THSD7B: variants seen among roughly 807,000 people sequenced by gnomAD.
THSD7B encodes the protein thrombospondin type 1 domain containing 7B.
THSD7B carries 138 observed loss-of-function variants against 213.6 expected under a neutral mutation model. The observed-to-expected ratio is 0.65, with a 90% CI of 0.56 to 0.74. The LOEUF is 0.74. Among genes scored for constraint, THSD7B ranks in the 30% least tolerant of loss-of-function variants. The pLI is 0.00. For synonymous variants in THSD7B, 742 were observed against 687.0 expected (o/e 1.08, Z -1.25); for missense variants, 1,931 against 1,991.5 (o/e 0.97, Z 0.58).
intron 2 of THSD7B, among the ~76,000 whole-genome samples, chr2:136,966,399 TAG>T (rs771340801): frequency 5.3e-5 from 8 of 152,134 alleles, no homozygotes; most frequent in Non-Finnish European, 1.0e-4. Context: ...TGTGTTTTTG[TAG>T]AGACAGGGTT....
intron 15 of THSD7B, among the ~76,000 whole-genome samples, chr2:137,515,652 T>C (rs949710415): frequency 1.3e-5 from 2 of 152,180 alleles, no homozygotes; most frequent in Non-Finnish European, 2.9e-5. Flanking sequence ...ATTTATTTAT[T>C]TGGGCCCACT....
At chr2:137,642,452 C>T in intron 20 of THSD7B, 36 bp from the exon 21 acceptor site, 3 of 1,609,790 alleles carry the variant, frequency 1.9e-6, no homozygotes, top group South Asian at 1.1e-5. Flanking sequence ...CCAAGCCAAA[C>T]TAACTGAAAA....
intron 12 of THSD7B, among the ~76,000 whole-genome samples, chr2:137,335,364 C>G (rs545369916): frequency 6.6e-6 from 1 of 152,270 alleles, no homozygotes; most frequent in South Asian, 2.1e-4. Flanking sequence ...TCCAGGGGCT[C>G]TATAAACTGA....
At chr2:137,342,983 T>C (rs1684796137) in intron 12 of THSD7B, among the ~76,000 whole-genome samples, 1 of 151,660 alleles carries the variant, frequency 6.6e-6, no homozygotes. Context: ...GATACTGGCC[T>C]GTAATTTTAC....
At chr2:137,209,758 G>A (rs771207759) in intron 7 of THSD7B, among the ~76,000 whole-genome samples, 1 of 151,536 alleles carries the variant, frequency 6.6e-6, no homozygotes, top group Non-Finnish European at 1.5e-5. Context: ...TGCATTTAAC[G>A]CATTTAAATT....
chr2:136,923,289 T>C (rs1052761980), intron 2 of THSD7B, among the ~76,000 whole-genome samples: 2 of 152,064 alleles, frequency 1.3e-5, no homozygotes, highest in Non-Finnish European at 2.9e-5. Context: ...TTCCTTCTTT[T>C]TAAAGGCTGC....
At chr2:137,470,910 C>CTTTTTTTTTTTTTTTTTTT (rs70978226) in intron 15 of THSD7B, among the ~76,000 whole-genome samples, 11 of 119,816 alleles carry the variant, frequency 9.2e-5, no homozygotes, top group Non-Finnish European at 1.0e-4. Flanking sequence ...TTTTTCTTTA[C>CTTTTTTTTTTTTTTTTTTT]TTTTTTTTTT....
chr2:137,019,434 C>T (rs528446189), intron 2 of THSD7B, among the ~76,000 whole-genome samples: 1 of 152,328 alleles, frequency 6.6e-6, no homozygotes, highest in South Asian at 2.1e-4. Context: ...CTTCCAACTC[C>T]TGTGTGTAAC....
intron 5 of THSD7B, among the ~76,000 whole-genome samples, chr2:137,155,637 A>G (rs1001447811): frequency 3.9e-5 from 6 of 152,138 alleles, no homozygotes; most frequent in Non-Finnish European, 7.4e-5. Context: ...AACAGCCACA[A>G]ATTTTTAAAA....
intron 5 of THSD7B, among the ~76,000 whole-genome samples, chr2:137,129,323 T>G (rs910219610): frequency 6.6e-6 from 1 of 152,206 alleles, no homozygotes; most frequent in Non-Finnish European, 1.5e-5. Flanking sequence ...CTGTACAGGA[T>G]AATTTAGACC....
intron 20 of THSD7B, among the ~76,000 whole-genome samples, chr2:137,634,686 T>C (rs1682801019): frequency 6.6e-6 from 1 of 152,216 alleles, no homozygotes; most frequent in Admixed American, 6.5e-5. Context: ...CTACTTTGAT[T>C]GGAAAGTATA....
At chr2:137,412,092 A>C (rs889136799) in intron 14 of THSD7B, among the ~76,000 whole-genome samples, 1 of 152,166 alleles carries the variant, frequency 6.6e-6, no homozygotes, top group South Asian at 2.1e-4. Context: ...GACTCACTTC[A>C]TTCTCTAATT....
chr2:137,338,314 C>A (rs1017062424), intron 12 of THSD7B, among the ~76,000 whole-genome samples: 4 of 152,014 alleles, frequency 2.6e-5, no homozygotes, highest in African/African-American at 9.7e-5. Flanking sequence ...TAGGTAAAAG[C>A]TACAAGGCTC....
intron 27 of THSD7B, among the ~76,000 whole-genome samples, chr2:137,670,738 A>G (rs1006985696): frequency 3.3e-5 from 5 of 151,978 alleles, no homozygotes; most frequent in South Asian, 2.1e-4. Context: ...TATCTAACAC[A>G]GTGAAACCCC....
chr2:137,338,142 G>A (rs749610759), intron 12 of THSD7B, among the ~76,000 whole-genome samples: 3 of 152,080 alleles, frequency 2.0e-5, no homozygotes, highest in Non-Finnish European at 2.9e-5. Context: ...TTGAAGCCTG[G>A]CTAAGAATGG....
chr2:137,051,686 A>G (rs1456672547), intron 2 of THSD7B, among the ~76,000 whole-genome samples: 1 of 152,212 alleles, frequency 6.6e-6, no homozygotes, highest in Non-Finnish European at 1.5e-5. Context: ...CAATGTCAGG[A>G]TAATAAAAGC....
chr2:137,215,091 C>G (rs1054702352), intron 7 of THSD7B, among the ~76,000 whole-genome samples: 2 of 152,114 alleles, frequency 1.3e-5, no homozygotes, highest in African/African-American at 4.8e-5. Context: ...CTCTCCAGCA[C>G]CTGTTGTTTC....
Position 137,056,511 on chromosome 2 carries a change from C to T in THSD7B, c.231C>T (p.His77=), listed in dbSNP as rs767018785. 1 of 1,613,962 alleles carries T rather than the reference C, an allele frequency of 6.2e-7. No homozygotes were observed. Among genetic ancestry groups the T allele is most frequent in the South Asian group, 1.1e-5 (1 of 91,082 alleles). The change falls in exon 3 of 28, where the codon CAC becomes CAT. Residue 77 remains histidine (H), a synonymous_variant. Coordinates refer to ENST00000409968, the MANE Select transcript of THSD7B (RefSeq NM_001316349.2). ...WCFHVDGWTS[H]LSNCGESNRP... Reference sequence around the variant, plus strand: ...TTCATGTTGACGGGTGGACAAGTCACCTGTCTAACTGTGGTGAGAGCAACA... The same window carrying T: ...TTCATGTTGACGGGTGGACAAGTCATCTGTCTAACTGTGGTGAGAGCAACA...
intron 1 of THSD7B, among the ~76,000 whole-genome samples, chr2:136,879,348 C>T (rs543790534): frequency 4.4e-4 from 67 of 152,186 alleles, no homozygotes; most frequent in African/African-American, 1.4e-3. Flanking sequence ...AGTCAGGTAG[C>T]GTGATGCCTC....
Sources: allele counts gnomAD v4.1 joint callset (sites outside exome capture counted in the v4.1 genomes callset), GRCh38; gene constraint gnomAD v4.1.1; transcripts MANE v1.5; gene names NCBI Gene and HGNC (gene_info 2026-07-23, HGNC 2026-07-21).